The following KLF12 variants were observed in gnomAD, a reference collection of about 807,000 sequenced individuals.
KLF12 encodes the protein Krueppel-like factor 12.
KLF12 carries 9 observed loss-of-function variants against 37.8 expected under a neutral mutation model. The observed-to-expected ratio is 0.24, with a 90% confidence interval of 0.14 to 0.42. The LOEUF (loss-of-function observed/expected upper bound fraction) is 0.42, where lower values mean the gene tolerates loss of function less well. Among genes scored for constraint, KLF12 ranks in the 10% least tolerant of loss-of-function variants. The pLI is 1.00. For synonymous variants in KLF12, 208 were observed against 202.1 expected, an observed-to-expected ratio of 1.03 and a Z score of -0.25; for missense variants, 411 against 516.0, an observed-to-expected ratio of 0.80 and a Z score of 1.97.
chr13:74,112,990 G>C (rs1411961296), intron 1 of KLF12, among the ~76,000 whole-genome samples: 1 of 152,284 alleles, frequency 6.6e-6, no homozygotes, highest in East Asian at 1.9e-4. Flanking sequence ...GCTAATGACG[G>C]AGAAAATCTG....
chr13:73,885,013 C>T lies in KLF12; in HGVS notation c.124-38640G>A, dbSNP rs1887153033. On this transcript the variant is annotated intron_variant, in intron 3 of 7. Coordinates refer to ENST00000377669, the MANE Select transcript of KLF12 (RefSeq NM_007249.5). ...CTTTGTTGGCTCTACCCATTGTGCT[C>T]AAACTCTCAGTACTGAGATGCTTTA... Among the ~76,000 whole-genome samples the T allele has an allele frequency of 2.6e-5, 4 of 152,208 alleles. No homozygotes were observed. In the South Asian group the frequency reaches 8.3e-4, roughly 32 times the overall value.
At chr13:74,114,651 A>G (rs1877181328) in intron 1 of KLF12, among the ~76,000 whole-genome samples, 1 of 146,626 alleles carries the variant, frequency 6.8e-6, no homozygotes, top group African/African-American at 2.8e-5. Context: ...GAGACACACT[A>G]TTAAAATCTG....
chr13:74,080,576 C>A (rs1299471978), intron 1 of KLF12, among the ~76,000 whole-genome samples: 2 of 151,730 alleles, frequency 1.3e-5, no homozygotes, highest in African/African-American at 2.4e-5. Context: ...AGATTTCCTG[C>A]CTCCCATCCC....
chr13:73,965,586 C>T (rs1474339587), intron 2 of KLF12, among the ~76,000 whole-genome samples: 2 of 152,162 alleles, frequency 1.3e-5, no homozygotes, highest in South Asian at 2.1e-4. Context: ...TCCCCTTCTG[C>T]GTGGTCCATG....
At chr13:74,235,685 A>C in the KLF12 span, among the ~76,000 whole-genome samples, 1 of 152,154 alleles carries the variant, frequency 6.6e-6, no homozygotes, top group Non-Finnish European at 1.5e-5. Flanking sequence ...CTATACTTTC[A>C]TGAGGAGTAT....
At chr13:74,129,618 A>G (rs1483870341) in intron 1 of KLF12, among the ~76,000 whole-genome samples, 1 of 152,058 alleles carries the variant, frequency 6.6e-6, no homozygotes, top group African/African-American at 2.4e-5. Flanking sequence ...CAGTCTAATT[A>G]TTACACTAAT....
chr13:74,248,590 TATCTC>T, the KLF12 span, among the ~76,000 whole-genome samples: 12 of 152,170 alleles, frequency 7.9e-5, no homozygotes, highest in East Asian at 7.7e-4. Flanking sequence ...TTATAGAACT[TATCTC>T]ATCCAGTTTT....
At chr13:74,190,357 T>TGAA in the KLF12 span, among the ~76,000 whole-genome samples, 1 of 152,226 alleles carries the variant, frequency 6.6e-6, no homozygotes, top group Non-Finnish European at 1.5e-5. Flanking sequence ...TAAAATTTAT[T>TGAA]GAAGAAAATA....
chr13:73,817,323 A>AAAAAAGG lies in KLF12; in HGVS notation c.671-4037_671-4036insCCTTTTT, dbSNP rs1555309687. ...AACAGAGTGAGATCCTGTTTCAAAAAAAAAAGAAAAGAAAAAAAAGAAAAA... is the reference window on the plus strand; with the variant it reads ...AACAGAGTGAGATCCTGTTTCAAAAAAAAAAGGAAAAAGAAAAGAAAAAAAAGAAAAA... On this transcript the variant is annotated intron_variant, in intron 4 of 7. Transcript: ENST00000377669. Among the ~76,000 whole-genome samples the AAAAAAGG allele has an allele frequency of 1.4e-4, 21 of 146,816 alleles. No individual in the cohort carries two copies. In the South Asian group the frequency reaches 3.7e-3, roughly 26 times the overall value.
chr13:74,264,650 C>A, the KLF12 span, among the ~76,000 whole-genome samples: 9 of 152,290 alleles, frequency 5.9e-5, no homozygotes, highest in South Asian at 1.9e-3. Context: ...TAAGTCAGTT[C>A]TCTTCAGATC....
intron 1 of KLF12, among the ~76,000 whole-genome samples, chr13:74,055,229 T>C (rs1873181258): frequency 6.6e-6 from 1 of 152,218 alleles, no homozygotes; most frequent in Non-Finnish European, 1.5e-5. Context: ...AAATATCGTG[T>C]AGTGTTGGCA....
At chr13:73,834,112 G>A (rs1289800636) in intron 4 of KLF12, among the ~76,000 whole-genome samples, 4 of 152,124 alleles carry the variant, frequency 2.6e-5, no homozygotes, top group Non-Finnish European at 4.4e-5. Flanking sequence ...AGCTTAAATT[G>A]TAGTGTAGAA....
chr13:73,928,149 C>T (rs1889493441), intron 3 of KLF12, among the ~76,000 whole-genome samples: 1 of 152,246 alleles, frequency 6.6e-6, no homozygotes, highest in Admixed American at 6.5e-5. Flanking sequence ...AGCCACCACA[C>T]CTGGCCAACA....
chr13:74,037,644 T>G (rs995013962), intron 1 of KLF12, among the ~76,000 whole-genome samples: 1 of 152,242 alleles, frequency 6.6e-6, no homozygotes, highest in African/African-American at 2.4e-5. Context: ...TTCTGGATAA[T>G]GAACACAACA....
intron 1 of KLF12, among the ~76,000 whole-genome samples, chr13:74,100,053 A>G (rs1195016024): frequency 1.3e-5 from 2 of 152,108 alleles, no homozygotes; most frequent in African/African-American, 4.8e-5. Flanking sequence ...GGGGAGAGAG[A>G]GCACGCAGCA....
At chr13:73,721,599 C>A (rs987629356) in intron 6 of KLF12, among the ~76,000 whole-genome samples, 2 of 152,206 alleles carry the variant, frequency 1.3e-5, no homozygotes, top group Non-Finnish European at 2.9e-5. Context: ...GTTGCCCAAG[C>A]TGCAGTGCAG....
chr13:74,048,073 C>T (rs1019957025), intron 1 of KLF12, among the ~76,000 whole-genome samples: 12 of 152,274 alleles, frequency 7.9e-5, no homozygotes, highest in African/African-American at 2.4e-4. Flanking sequence ...CTGAGACAGA[C>T]GTCCAGCTGT....
chr13:73,705,916 A>G (rs1250275863), intron 7 of KLF12, among the ~76,000 whole-genome samples: 1 of 152,128 alleles, frequency 6.6e-6, no homozygotes, highest in Non-Finnish European at 1.5e-5. Context: ...CACTTTGGGA[A>G]GCAGAGGTGG....
chr13:74,259,451 A>T, the KLF12 span: 1 of 152,238 alleles, frequency 6.6e-6, no homozygotes, highest in Non-Finnish European at 1.5e-5. Flanking sequence ...TTCTTCACTC[A>T]GGTGTTTCTT....
Sources: allele counts gnomAD v4.1 joint callset (sites outside exome capture counted in the v4.1 genomes callset), GRCh38; gene constraint gnomAD v4.1.1; transcripts MANE v1.5; gene names NCBI Gene and HGNC (gene_info 2026-07-23, HGNC 2026-07-21).